Variants in GRIA1 observed in about 807,000 individuals in gnomAD.
The protein encoded by GRIA1 is glutamate ionotropic receptor AMPA type subunit 1.
A neutral mutation model predicts 99.2 loss-of-function variants in GRIA1; 31 were observed. The ratio of observed to expected loss-of-function variants is 0.31; its 90% CI spans 0.23 to 0.42. GRIA1 has a LOEUF of 0.42. Among genes scored for constraint, GRIA1 ranks in the 10% least tolerant of loss-of-function variants. GRIA1 has a pLI of 1.00. For synonymous variants in GRIA1, 438 were observed against 432.4 expected, an observed-to-expected ratio of 1.01 and a Z score of -0.16; for missense variants, 782 against 1,157.5, an observed-to-expected ratio of 0.68 and a Z score of 4.71.
chr5:153,702,631 A>G (rs1758609231), intron 10 of GRIA1, among the ~76,000 whole-genome samples: 1 of 152,218 alleles, frequency 6.6e-6, no homozygotes, highest in South Asian at 2.1e-4. Flanking sequence ...TCTTTGGACC[A>G]ATAGCATTAG....
intron 2 of GRIA1, among the ~76,000 whole-genome samples, chr5:153,590,546 G>A (rs1348670353): frequency 1.2e-5 from 1 of 85,328 alleles, no homozygotes; most frequent in African/African-American, 3.8e-5. Context: ...GTGTGTGTGT[G>A]TGTGTGTTAC....
intron 5 of GRIA1, among the ~76,000 whole-genome samples, chr5:153,671,761 T>C (rs1480855045): frequency 6.6e-6 from 1 of 152,196 alleles, no homozygotes; most frequent in African/African-American, 2.4e-5. Flanking sequence ...ACCTACTCTG[T>C]GCCAAGCATT....
chr5:153,741,939 A>AG (rs1761825453), intron 11 of GRIA1, among the ~76,000 whole-genome samples: 1 of 125,882 alleles, frequency 7.9e-6, no homozygotes, highest in Admixed American at 8.3e-5. Context: ...TTTTTTAAAA[A>AG]AAAAAAAAAA....
chr5:153,508,508 C>G (rs1013202103), intron 2 of GRIA1, among the ~76,000 whole-genome samples: 3 of 151,062 alleles, frequency 2.0e-5, no homozygotes, highest in Non-Finnish European at 4.4e-5. Context: ...ATTCAAAGAA[C>G]AGAAAGAAGG....
chr5:153,801,952 CGG>C (rs11348503), intron 14 of GRIA1, among the ~76,000 whole-genome samples: 15 of 79,120 alleles, frequency 1.9e-4, no homozygotes, highest in Admixed American at 9.1e-4. Flanking sequence ...GAAATTGGGG[CGG>C]GGGGGGGCGG....
intron 11 of GRIA1, among the ~76,000 whole-genome samples, chr5:153,722,402 G>C (rs78050175): frequency 0.011 from 1,715 of 152,152 alleles, 32 homozygotes; most frequent in African/African-American, 0.039. Flanking sequence ...CTACCTCAAA[G>C]TCATAAAGAT....
At chr5:153,496,822 T>G (rs1272651496) in intron 2 of GRIA1, among the ~76,000 whole-genome samples, 6 of 152,224 alleles carry the variant, frequency 3.9e-5, no homozygotes, top group Non-Finnish European at 5.9e-5. Context: ...TCTGAATTAG[T>G]AGTTGCCTTA....
At chr5:153,788,013 T>C (rs1265657600) in intron 13 of GRIA1, among the ~76,000 whole-genome samples, 1 of 151,764 alleles carries the variant, frequency 6.6e-6, no homozygotes, top group African/African-American at 2.4e-5. Context: ...CCAGGAGGCG[T>C]AGCTTGCAGT....
At chr5:153,587,072 G>A (rs1343770685) in intron 2 of GRIA1, among the ~76,000 whole-genome samples, 2 of 152,168 alleles carry the variant, frequency 1.3e-5, no homozygotes, top group East Asian at 3.8e-4. Context: ...GGATGGTAGT[G>A]TGATATAGTT....
intron 2 of GRIA1, among the ~76,000 whole-genome samples, chr5:153,604,036 CTTCAGAATGAGTCTT>C (rs888752715): frequency 2.6e-5 from 4 of 151,930 alleles, no homozygotes; most frequent in Non-Finnish European, 5.9e-5. Flanking sequence ...GCCTTGGAAG[CTTCAGAATGAGTCTT>C]ATTTCATTTT....
At chr5:153,710,317 G>A (rs139380777) in intron 11 of GRIA1, among the ~76,000 whole-genome samples, 8,498 of 151,906 alleles carry the variant, frequency 0.056, 299 homozygotes, top group Non-Finnish European at 0.075. Context: ...TGACCTTCTG[G>A]GCTCAAGCCA....
At chr5:153,529,796 C>T (rs1378650453) in intron 2 of GRIA1, among the ~76,000 whole-genome samples, 1 of 152,082 alleles carries the variant, frequency 6.6e-6, no homozygotes, top group Non-Finnish European at 1.5e-5. Context: ...CAACCTTTTG[C>T]TTTTCTTGGA....
intron 2 of GRIA1, among the ~76,000 whole-genome samples, chr5:153,625,292 T>G (rs1018458569): frequency 6.6e-6 from 1 of 152,218 alleles, no homozygotes; most frequent in African/African-American, 2.4e-5. Flanking sequence ...TGTATGACTT[T>G]GGGCAAGGCT....
In GRIA1 at chr5:153,723,276, A is replaced by G. The variant is rs146999129; in HGVS notation, c.1823+17209A>G. 3.7e-4 allele frequency among the ~76,000 whole-genome samples: 56 copies of G among 152,350 alleles called. No homozygotes were observed. The East Asian group carries it at 9.3e-3, about 25-fold the overall frequency. Reference sequence around the variant, plus strand: ...TAGGGGAAACAGCCAAGATGGCTGAATAGGAACAGCTCCGGTCTACAGCTC... The same window carrying G: ...TAGGGGAAACAGCCAAGATGGCTGAGTAGGAACAGCTCCGGTCTACAGCTC... On this transcript the variant is annotated intron_variant, in intron 11 of 15. Coordinates refer to ENST00000285900, the MANE Select transcript of GRIA1 (RefSeq NM_000827.4).
chr5:153,583,410 T>C (rs1763215035), intron 2 of GRIA1, among the ~76,000 whole-genome samples: 1 of 152,138 alleles, frequency 6.6e-6, no homozygotes, highest in African/African-American at 2.4e-5. Context: ...TGAGAATCCT[T>C]CCTTGACTCT....
At chr5:153,805,134 AT>A (rs11290446) in intron 15 of GRIA1, among the ~76,000 whole-genome samples, 94,374 of 151,964 alleles carry the variant, frequency 0.62, 30,296 homozygotes, top group East Asian at 0.94. Flanking sequence ...GAAATAATGG[AT>A]TATAAAGAGC....
chr5:153,614,146 A>G (rs1417638375), intron 2 of GRIA1, among the ~76,000 whole-genome samples: 1 of 152,118 alleles, frequency 6.6e-6, no homozygotes, highest in Non-Finnish European at 1.5e-5. Flanking sequence ...ATCACACACC[A>G]TACCACCCTC....
chr5:153,791,564 G>A (rs1007596925), intron 13 of GRIA1, among the ~76,000 whole-genome samples: 14 of 152,148 alleles, frequency 9.2e-5, no homozygotes, highest in African/African-American at 3.1e-4. Flanking sequence ...ATGGTTATAT[G>A]CATGGGCTTT....
At chr5:153,688,670 A>G (rs1042314341) in intron 8 of GRIA1, among the ~76,000 whole-genome samples, 3 of 152,280 alleles carry the variant, frequency 2.0e-5, no homozygotes, top group South Asian at 2.1e-4. Context: ...TGCCTCTGGA[A>G]GGGACACCAA....
Sources: gnomAD v4.1 joint callset for allele counts (sites outside exome capture counted in the v4.1 genomes callset) on GRCh38, gnomAD v4.1.1 for gene constraint, MANE v1.5 for transcripts, NCBI Gene and HGNC (gene_info 2026-07-23, HGNC 2026-07-21) for gene names.